ZZZ3: variants seen among roughly 807,000 people sequenced by gnomAD.
ZZZ3 encodes zinc finger ZZ-type containing 3.
ZZZ3 carries 22 observed loss-of-function variants against 95.2 expected under a neutral mutation model. That is an observed-to-expected ratio of 0.23 (90% CI 0.17 to 0.33). The LOEUF is 0.33. Among genes scored for constraint, ZZZ3 ranks in the 10% least tolerant of loss-of-function variants. The pLI is 1.00. For synonymous variants in ZZZ3, 335 were observed against 358.9 expected, an observed-to-expected ratio of 0.93 and a Z score of 0.75; for missense variants, 885 against 1,066.5, an observed-to-expected ratio of 0.83 and a Z score of 2.37.
intron 1 of ZZZ3, among the ~76,000 whole-genome samples, chr1:77,655,816 A>T: frequency 6.6e-6 from 1 of 152,228 alleles, no homozygotes; most frequent in East Asian, 1.9e-4. Flanking sequence ...TTGTTGATCT[A>T]TGACTTAGAA....
At chr1:77,601,518 T>C (rs1268416391) in intron 5 of ZZZ3, among the ~76,000 whole-genome samples, 2 of 152,122 alleles carry the variant, frequency 1.3e-5, no homozygotes, top group Non-Finnish European at 2.9e-5. Context: ...AATTGTATCA[T>C]GTTTAAATGC....
At position 77,600,068 on chromosome 1, in the gene ZZZ3, T is replaced by C. The variant is rs542516137; in HGVS notation, c.1506-15413A>G. ...TTTCTCTTCCCAGAATCTATCCTAA[T>C]TTGGAAGGTAGACTACATCCACATT... On this transcript the variant is annotated intron_variant, in intron 5 of 14. Coordinates refer to ENST00000370801, the MANE Select transcript of ZZZ3 (RefSeq NM_015534.6). 3.9e-5 allele frequency among the ~76,000 whole-genome samples: 6 copies of C among 152,158 alleles called. No individual in the cohort carries two copies. The East Asian group carries it at 1.2e-3, about 29-fold the overall frequency.
At chr1:77,634,285 G>A (rs1347722991) in intron 4 of ZZZ3, among the ~76,000 whole-genome samples, 2 of 152,032 alleles carry the variant, frequency 1.3e-5, no homozygotes, top group Non-Finnish European at 2.9e-5. Flanking sequence ...AATGTTCCCG[G>A]TATACAGAAA....
chr1:77,660,808 A>G (rs1670711908), intron 1 of ZZZ3, among the ~76,000 whole-genome samples: 1 of 152,168 alleles, frequency 6.6e-6, no homozygotes, highest in Admixed American at 6.5e-5. Context: ...TCTACACTTC[A>G]TACTACCATC....
chr1:77,670,974 T>G (rs553019055), intron 1 of ZZZ3, among the ~76,000 whole-genome samples: 1 of 149,716 alleles, frequency 6.7e-6, no homozygotes, highest in Non-Finnish European at 1.5e-5. Context: ...GGAGTTTACA[T>G]CTAGCCTGGG....
chr1:77,568,424 A>C lies in ZZZ3; in HGVS notation c.2374T>G (p.Tyr792Asp). ...TTTTTAAACTGTAATAGTTCTTTAT[A>C]TTCAGGTAAATTCCTATACATGATA... ...IPIMYRNLPE[Y>D]KELLQFKKLK... Residue 792 changes from tyrosine (Y) to aspartate (D), a missense_variant, in exon 13 of 15, where the codon TAT becomes GAT. This residue lies in a region of ZZZ3 where 221 missense variants were observed against 247.8 expected (regional missense o/e 0.89). Coordinates refer to ENST00000370801, the MANE Select transcript of ZZZ3 (RefSeq NM_015534.6). 6.9e-7 allele frequency: 1 copy of C among 1,439,966 alleles called. No individual in the cohort carries two copies. 89.2% of individuals were successfully genotyped at this position (1,439,966 alleles called of 1,614,324 possible). A position where few individuals can be genotyped will look rare whatever the true frequency, so the allele number is the denominator to read the frequency against.
chr1:77,642,118 A>G (rs1312478650), intron 1 of ZZZ3, among the ~76,000 whole-genome samples: 1 of 152,226 alleles, frequency 6.6e-6, no homozygotes, highest in East Asian at 1.9e-4. Context: ...ATCTTTCTTA[A>G]GTAATTTTGG....
At chr1:77,615,686 C>A (rs1350135404) in intron 5 of ZZZ3, among the ~76,000 whole-genome samples, 1 of 152,116 alleles carries the variant, frequency 6.6e-6, no homozygotes, top group Non-Finnish European at 1.5e-5. Context: ...AATTAAATAT[C>A]CTTTAAAAGG....
intron 1 of ZZZ3, among the ~76,000 whole-genome samples, chr1:77,641,951 T>G (rs142121476): frequency 1.3e-5 from 2 of 152,190 alleles, no homozygotes; most frequent in African/African-American, 4.8e-5. Context: ...ACCACCAATA[T>G]AGACATATGT....
chr1:77,602,252 A>G (rs1022590204), intron 5 of ZZZ3, among the ~76,000 whole-genome samples: 1 of 152,228 alleles, frequency 6.6e-6, no homozygotes, highest in Non-Finnish European at 1.5e-5. Flanking sequence ...TCTAAGCCAC[A>G]TAAGTAAAGG....
In ZZZ3 at chr1:77,578,157, C is replaced by T. The variant is rs551226268; in HGVS notation, c.2178+617G>A. ...GTCTGGCTCAGAGCCCTCAATATAA[C>T]AGCTAGCTATTAATATTATGTCAGT... is the stretch of plus-strand genomic sequence containing the variant. On this transcript the variant is annotated intron_variant, in intron 11 of 14. Transcript: ENST00000370801. 9.2e-5 allele frequency among the ~76,000 whole-genome samples: 14 copies of T among 152,204 alleles called. No individual in the cohort carries two copies. The South Asian group carries it at 2.7e-3, about 29-fold the overall frequency.
At chr1:77,656,612 C>T (rs1403193678) in intron 1 of ZZZ3, among the ~76,000 whole-genome samples, 1 of 152,110 alleles carries the variant, frequency 6.6e-6, no homozygotes, top group East Asian at 1.9e-4. Context: ...ATATTGAGAC[C>T]TTGAATCTTA....
chr1:77,578,207 A>G (rs997074257), intron 11 of ZZZ3, among the ~76,000 whole-genome samples: 2 of 152,184 alleles, frequency 1.3e-5, no homozygotes, highest in African/African-American at 2.4e-5. Flanking sequence ...AAGACTACTT[A>G]TATTTCAAGA....
At position 77,566,127 on chromosome 1, in the gene ZZZ3, A is replaced by G; in HGVS notation, c.2521T>C (p.Cys841Arg). 1 of 1,613,528 alleles carries G rather than the reference A, an allele frequency of 6.2e-7. No individual in the cohort carries two copies. The highest frequency in any genetic ancestry group is 8.5e-7 in the Non-Finnish European group (1 of 1,179,704). Residue 841 changes from cysteine (C) to arginine (R), a missense_variant, in exon 14 of 15, where the codon TGT becomes CGT. Cys to Arg is a radical substitution (Grantham distance 180, BLOSUM62 -3). Coordinates refer to ENST00000370801, the MANE Select transcript of ZZZ3 (RefSeq NM_015534.6). ...IQGVRWHCQD[C>R]PPEMSLDFCD... ...AAATCCAAAGACATTTCTGGAGGAC[A>G]ATCCTGGCAATGCCACCGAACACCC...
Position 77,563,088 on chromosome 1 carries a change from T to C in ZZZ3, c.*2552A>G, listed in dbSNP as rs1660552474. ...ACTGTATCAGTGTTTTCTATTATTA[T>C]GCATCACACAAAAGGAAACCTCCTC... On this transcript the variant is annotated 3_prime_UTR_variant, in exon 15 of 15. Coordinates refer to ENST00000370801, the MANE Select transcript of ZZZ3 (RefSeq NM_015534.6). 1 of 152,228 alleles carries C rather than the reference T, an allele frequency of 6.6e-6. No homozygotes were observed. The highest frequency in any genetic ancestry group is 2.4e-5 in the African/African-American group (1 of 41,444). The allele number at this position is 152,228 out of a possible 1,614,324, so 9.4% of individuals were successfully genotyped here.
At chr1:77,584,872 C>T (rs1570429586) in intron 5 of ZZZ3, 1 of 326,054 alleles carries the variant, frequency 3.1e-6, no homozygotes, top group Non-Finnish European at 5.5e-6. Context: ...CTTCTTCCCC[C>T]ATCTTAAGTT....
intron 5 of ZZZ3, among the ~76,000 whole-genome samples, chr1:77,594,078 C>T (rs1663981153): frequency 6.6e-6 from 1 of 152,138 alleles, no homozygotes; most frequent in Admixed American, 6.5e-5. Flanking sequence ...CATTAAGTCT[C>T]CACTTTCTTC....
intron 1 of ZZZ3, among the ~76,000 whole-genome samples, chr1:77,652,284 A>G (rs1475704265): frequency 2.0e-5 from 3 of 152,214 alleles, no homozygotes; most frequent in Non-Finnish European, 2.9e-5. Context: ...AAAATGGGTA[A>G]AAGACTTAAA....
At chr1:77,628,800 G>C (rs1667538529) in intron 5 of ZZZ3, among the ~76,000 whole-genome samples, 2 of 152,136 alleles carry the variant, frequency 1.3e-5, no homozygotes, top group South Asian at 2.1e-4. Context: ...TTTAAAACTG[G>C]CTATCAAGAA....
Sources: gnomAD v4.1 joint callset for allele counts (sites outside exome capture counted in the v4.1 genomes callset) on GRCh38, gnomAD v4.1.1 for gene constraint, gnomAD v4.1.1 regional missense constraint, MANE v1.5 for transcripts, NCBI Gene and HGNC (gene_info 2026-07-23, HGNC 2026-07-21) for gene names.